Variants in LRRIQ3 observed in about 807,000 individuals in gnomAD.
LRRIQ3 encodes leucine-rich repeat and IQ domain-containing protein 3.
In LRRIQ3, 75 loss-of-function variants were observed where a neutral mutation model predicts 59.3. The observed-to-expected ratio is 1.26, with a 90% CI of 1.05 to 1.53. The LOEUF is 1.53. LRRIQ3 is among the 40% of genes most tolerant of loss of function. The pLI is 0.00. For missense variants in LRRIQ3, 831 were observed against 710.0 expected, an observed-to-expected ratio of 1.17 and a Z score of -1.94; for synonymous variants, 250 against 231.3, an observed-to-expected ratio of 1.08 and a Z score of -0.73.
chr1:74,161,842 T>C (rs1648680831), intron 3 of LRRIQ3, among the ~76,000 whole-genome samples: 1 of 151,734 alleles, frequency 6.6e-6, no homozygotes, highest in Non-Finnish European at 1.5e-5. Context: ...ACAATGATCT[T>C]GAAAAGTAAC....
At chr1:74,122,013 T>C (rs1281364902) in intron 4 of LRRIQ3, among the ~76,000 whole-genome samples, 1 of 152,078 alleles carries the variant, frequency 6.6e-6, no homozygotes. Flanking sequence ...TTCCAAGTCT[T>C]TGCTATTGTG....
chr1:74,118,932 A>C (rs1189070041), intron 4 of LRRIQ3, among the ~76,000 whole-genome samples: 1 of 152,108 alleles, frequency 6.6e-6, no homozygotes, highest in Non-Finnish European at 1.5e-5. Flanking sequence ...TGATTAGATG[A>C]GGCTCACCCA....
chr1:74,075,765 G>T (rs1242014501), intron 5 of LRRIQ3, among the ~76,000 whole-genome samples: 1 of 152,066 alleles, frequency 6.6e-6, no homozygotes, highest in Non-Finnish European at 1.5e-5. Flanking sequence ...GCTTTCATCA[G>T]GTTATCAGGG....
At chr1:74,069,245 T>C (rs1054112443) in intron 6 of LRRIQ3, among the ~76,000 whole-genome samples, 1 of 152,014 alleles carries the variant, frequency 6.6e-6, no homozygotes, top group African/African-American at 2.4e-5. Flanking sequence ...CTATAGAAGA[T>C]TGGCCCATTC....
intron 6 of LRRIQ3, among the ~76,000 whole-genome samples, chr1:74,068,333 A>C (rs1045736509): frequency 7.2e-5 from 11 of 152,090 alleles, no homozygotes; most frequent in African/African-American, 2.7e-4. Flanking sequence ...CCTTGCAGCT[A>C]TATTAATGGA....
intron 7 of LRRIQ3, among the ~76,000 whole-genome samples, chr1:74,040,346 A>T (rs1654006038): frequency 6.6e-6 from 1 of 152,168 alleles, no homozygotes; most frequent in Admixed American, 6.5e-5. Flanking sequence ...ATAGTGGGAG[A>T]CTTTAATACC....
At chr1:74,037,571 A>C (rs1653909019) in intron 7 of LRRIQ3, among the ~76,000 whole-genome samples, 1 of 152,198 alleles carries the variant, frequency 6.6e-6, no homozygotes, top group Non-Finnish European at 1.5e-5. Flanking sequence ...TGAAGGGTGC[A>C]GTGAGCCAAG....
chr1:74,100,478 T>C (rs1484573867), intron 5 of LRRIQ3, among the ~76,000 whole-genome samples: 9 of 152,138 alleles, frequency 5.9e-5, no homozygotes, highest in African/African-American at 2.2e-4. Flanking sequence ...AATGGCCATA[T>C]TGCCCAAGGT....
At chr1:74,057,331 A>C (rs1284331080) in intron 6 of LRRIQ3, among the ~76,000 whole-genome samples, 1 of 152,124 alleles carries the variant, frequency 6.6e-6, no homozygotes, top group East Asian at 1.9e-4. Context: ...GAAGCATAGT[A>C]CCTGACATTA....
chr1:74,054,008 T>C (rs1305737342), intron 6 of LRRIQ3, among the ~76,000 whole-genome samples: 2 of 152,162 alleles, frequency 1.3e-5, no homozygotes, highest in Non-Finnish European at 2.9e-5. Context: ...TCATGTTCCT[T>C]GGTACCCATC....
intron 1 of LRRIQ3, among the ~76,000 whole-genome samples, chr1:74,187,116 T>C (rs149923375): frequency 1.6e-3 from 242 of 152,204 alleles, no homozygotes; most frequent in African/African-American, 5.6e-3. Context: ...GAAAACAGTA[T>C]GGAAATTCCT....
chr1:74,161,953 C>A (rs2100681106), intron 3 of LRRIQ3, among the ~76,000 whole-genome samples: 1 of 151,784 alleles, frequency 6.6e-6, no homozygotes, highest in East Asian at 1.9e-4. Context: ...ATAATGCATT[C>A]CCTCCATTAA....
At chr1:74,114,897 ATTTAAG>A (rs1646757240) in intron 4 of LRRIQ3, among the ~76,000 whole-genome samples, 1 of 152,008 alleles carries the variant, frequency 6.6e-6, no homozygotes, top group Non-Finnish European at 1.5e-5. Context: ...TAATGTTAAG[ATTTAAG>A]TTTATTTTAA....
chr1:74,073,444 G>A (rs12742029), intron 6 of LRRIQ3, among the ~76,000 whole-genome samples: 119,945 of 151,712 alleles, frequency 0.79, 50,401 homozygotes, highest in East Asian at 0.97. Flanking sequence ...CTGGGGGGTC[G>A]AGGGTGCACT....
intron 6 of LRRIQ3, among the ~76,000 whole-genome samples, chr1:74,060,549 T>C (rs1570048052): frequency 6.6e-6 from 1 of 152,096 alleles, no homozygotes; most frequent in Non-Finnish European, 1.5e-5. Flanking sequence ...CACTTACCTA[T>C]CTATATTTTC....
Position 74,042,349 on chromosome 1 carries a change from G to A in LRRIQ3, c.998-416C>T, listed in dbSNP as rs766129587. Among the ~76,000 whole-genome samples, 154 of 152,176 alleles carry A rather than the reference G, an allele frequency of 1.0e-3. 1 individual carries two copies. Among genetic ancestry groups the A allele is most frequent in the South Asian group, 4.1e-4 (2 of 4,834 alleles). ...CCAGTGAAAATTTAGAAAACTCTGC[G>A]TAATAAATGAGCAGGGAGTATTTAT... On this transcript the variant is annotated intron_variant, in intron 6 of 7. Coordinates refer to ENST00000354431, the MANE Select transcript of LRRIQ3 (RefSeq NM_001105659.2).
chr1:74,182,414 A>T, intron 3 of LRRIQ3, 124 bp downstream of exon 3: 1 of 507,486 alleles, frequency 2.0e-6, no homozygotes, highest in Non-Finnish European at 3.1e-6. Flanking sequence ...TCATTGGTTT[A>T]TATTATTTTA....
At chr1:74,185,344 G>T (rs1229011730) in intron 1 of LRRIQ3, among the ~76,000 whole-genome samples, 2 of 152,110 alleles carry the variant, frequency 1.3e-5, no homozygotes, top group African/African-American at 4.8e-5. Flanking sequence ...CATATTAATA[G>T]GTGAATAATG....
chr1:74,063,962 G>A (rs768898954), intron 6 of LRRIQ3, among the ~76,000 whole-genome samples: 17 of 151,370 alleles, frequency 1.1e-4, no homozygotes, highest in Non-Finnish European at 2.2e-4. Flanking sequence ...TTATTTTTGA[G>A]CCATATTCTC....
Sources: gnomAD v4.1 joint callset for allele counts (sites outside exome capture counted in the v4.1 genomes callset) on GRCh38, gnomAD v4.1.1 for gene constraint, MANE v1.5 for transcripts, NCBI Gene and HGNC (gene_info 2026-07-23, HGNC 2026-07-21) for gene names.